The following DHX30 variants were observed in gnomAD, a reference collection of about 807,000 sequenced individuals.
DHX30 encodes the protein ATP-dependent RNA helicase DHX30.
Under a neutral mutation model 116.9 loss-of-function variants are expected in DHX30, and 4 were observed. The ratio of observed to expected loss-of-function variants is 0.03; its 90% CI spans 0.02 to 0.08. DHX30 has a LOEUF of 0.08. Ranked by LOEUF, DHX30 falls within the 10% of genes least tolerant of loss-of-function variation. The probability of loss-of-function intolerance (pLI) is 1.00; values close to 1 mark genes in which losing one functional copy is unlikely to be tolerated. For missense variants in DHX30, 871 were observed against 1,595.1 expected (o/e 0.55, Z 7.73); for synonymous variants, 697 against 651.7 (o/e 1.07, Z -1.06).
At position 47,848,680 on chromosome 3, in the gene DHX30, T is replaced by C; in HGVS notation, c.2632T>C (p.Ser878Pro). Residue 878 changes from serine to proline, a missense_variant, in exon 17 of 22, where the codon TCC becomes CCC. Transcript: ENST00000445061. This position sits in a 1 kb window ranked among gnomAD's most constrained non-coding sequence, Gnocchi z 9.4. ...TTLGQRLAHI[S>P]TDPRLAKAIV... ...CCTGGGGCAGCGCCTGGCTCACATC[T>C]CCACCGACCCCCGGTTGGCCAAGGC... The C allele has an allele frequency of 6.2e-7, 1 of 1,614,102 alleles. No homozygotes were observed. Among genetic ancestry groups the C allele is most frequent in the Non-Finnish European group, 8.5e-7 (1 of 1,180,006 alleles).
chr3:47,826,977 T>C (rs1440229358), intron 4 of DHX30, among the ~76,000 whole-genome samples: 1 of 152,122 alleles, frequency 6.6e-6, no homozygotes, highest in Non-Finnish European at 1.5e-5. Flanking sequence ...GTTTTTGTAT[T>C]TTTTGCTTGC....
Position 47,850,067 on chromosome 3 carries a change from C to G in DHX30, c.3532C>G (p.Leu1178Val). 1 of 1,597,796 alleles carries G rather than the reference C, an allele frequency of 6.3e-7. No homozygotes were observed. The highest frequency in any genetic ancestry group is 1.1e-5 in the South Asian group (1 of 89,266). The change falls in exon 22 of 22, where the codon CTG (leucine) becomes GTG (valine). Residue 1178 changes from leucine (L) to valine (V), a missense_variant. Around this residue, in one of 13 missense-constraint regions of DHX30, gnomAD observed 52 missense variants for 50.1 expected, o/e 1.04. Transcript: ENST00000445061. ...GCAGCTGCTTGCGCTACTGGCAGAG[C>G]TGCTGCGAGGACCCTGTGGCAGCTT... ...HGQLLALLAE[L>V]LRGPCGSFDV...
In DHX30 at chr3:47,848,390, C is replaced by G; in HGVS notation, c.2493+4C>G. 1 of 1,613,966 alleles carries G rather than the reference C, an allele frequency of 6.2e-7. No individual in the cohort carries two copies. Among genetic ancestry groups the G allele is most frequent in the Non-Finnish European group, 8.5e-7 (1 of 1,179,994 alleles). On this transcript the variant is annotated splice_donor_region_variant and intron_variant, in intron 15 of 21. Transcript: ENST00000445061. This position sits in a 1 kb window ranked among gnomAD's most constrained non-coding sequence, Gnocchi z 9.4. ...AATCCACATGCCTGAGAAGACGGTGCGGCGGGGCGGGGCAGGGGCTGGCCT... is the reference window on the plus strand; with the variant it reads ...AATCCACATGCCTGAGAAGACGGTGGGGCGGGGCGGGGCAGGGGCTGGCCT...
At chr3:47,844,837 C>G (rs2037529293) in intron 9 of DHX30, among the ~76,000 whole-genome samples, 2 of 152,130 alleles carry the variant, frequency 1.3e-5, no homozygotes, top group South Asian at 4.1e-4. Context: ...CTTGTTTGAT[C>G]AAGTTGCATT....
At chr3:47,811,353 G>A (rs1222261396) in intron 3 of DHX30, among the ~76,000 whole-genome samples, 2 of 151,868 alleles carry the variant, frequency 1.3e-5, no homozygotes, top group African/African-American at 2.4e-5. Context: ...AATCTTCCTC[G>A]GTACCATACC....
chr3:47,808,277 C>T (rs1380805026), intron 2 of DHX30, among the ~76,000 whole-genome samples: 4 of 151,376 alleles, frequency 2.6e-5, no homozygotes, highest in Non-Finnish European at 4.4e-5. Flanking sequence ...AGTGCAGTGG[C>T]GTGATCACAG....
intron 3 of DHX30, among the ~76,000 whole-genome samples, chr3:47,812,788 C>T (rs556965381): frequency 4.0e-5 from 6 of 150,822 alleles, no homozygotes; most frequent in South Asian, 2.1e-4. Flanking sequence ...CTCAGCCTCC[C>T]GAGTAGCTGG....
At position 47,841,086 on chromosome 3, in the gene DHX30, CGAG is replaced by C. The variant is rs756108857; in HGVS notation, c.582_584del (p.Glu196del). ...CTTTAGGCCGGGAAGAAGAGGAGGA[CGAG>C]GAGGAAGAGCTAGAAGAAGGGACCA... On this transcript the variant is annotated inframe_deletion, in exon 7 of 22. Coordinates refer to ENST00000445061, the MANE Select transcript of DHX30 (RefSeq NM_138615.3). 8 of 1,613,942 alleles carry C rather than the reference CGAG, an allele frequency of 5.0e-6. No homozygotes were observed. The Admixed American group carries it at 1.3e-4, about 27-fold the overall frequency.
intron 3 of DHX30, among the ~76,000 whole-genome samples, chr3:47,817,534 C>T (rs1411176790): frequency 6.6e-6 from 1 of 152,156 alleles, no homozygotes; most frequent in Non-Finnish European, 1.5e-5. Context: ...CCCACATAGT[C>T]CAGTCGTCCC....
rs2037593934 is a variant in DHX30 at position 47,846,112 on chromosome 3, G to C, written c.1093-53G>C. ...CGAATCCTGCAGAGTGGCTGGTTGT[G>C]TGTGAATGAGGAATTTCTTTTTCAT... On this transcript the variant is annotated intron_variant, in intron 10 of 21. Transcript: ENST00000445061. The C allele has an allele frequency of 2.6e-6, 4 of 1,562,108 alleles. No homozygotes were observed. In the Admixed American group the frequency reaches 6.9e-5, roughly 27 times the overall value.
intron 6 of DHX30, among the ~76,000 whole-genome samples, chr3:47,837,543 A>T (rs2037177338): frequency 6.6e-6 from 1 of 152,156 alleles, no homozygotes; most frequent in Non-Finnish European, 1.5e-5. Flanking sequence ...CGGGTGGATC[A>T]CAAGGTCAGG....
chr3:47,807,281 C>T (rs2035572483), intron 2 of DHX30, among the ~76,000 whole-genome samples: 1 of 152,134 alleles, frequency 6.6e-6, no homozygotes, highest in Non-Finnish European at 1.5e-5. Flanking sequence ...TGTTCTAGAG[C>T]TCTGTAAATT....
chr3:47,811,937 G>A lies in DHX30; in HGVS notation c.28+1226G>A, dbSNP rs770059193. ...AAATTATCCAGGCGTGGCAGTCTGC[G>A]CCTATAGTCCCAGCTACTTGGGAGG... On this transcript the variant is annotated intron_variant, in intron 3 of 21. Coordinates refer to ENST00000445061, the MANE Select transcript of DHX30 (RefSeq NM_138615.3). Among the ~76,000 whole-genome samples the A allele has an allele frequency of 4.6e-5, 7 of 151,974 alleles. No homozygotes were observed. The East Asian group carries it at 5.8e-4, about 13-fold the overall frequency.
rs758175965 is a variant in DHX30, at chr3:47,847,293, C to G, written c.1950C>G (p.Leu650=). ...CCCAGTCTGAGGATGAATGCGCACTCGATTTGGACCTTGTGACTGATCTGG... is the reference window on the plus strand; with the variant it reads ...CCCAGTCTGAGGATGAATGCGCACTGGATTTGGACCTTGTGACTGATCTGG... ...RHHESEDECA[L]DLDLVTDLVL... The change falls in exon 12 of 22, where the codon CTC becomes CTG. Residue 650 remains leucine (L), a synonymous_variant. Transcript: ENST00000445061. This position sits in a 1 kb window ranked among gnomAD's most constrained non-coding sequence, Gnocchi z 5.5. The G allele has an allele frequency of 2.5e-6, 4 of 1,614,250 alleles. No individual in the cohort carries two copies. Among genetic ancestry groups the G allele is most frequent in the East Asian group, 4.5e-5 (2 of 44,888 alleles).
chr3:47,829,312 A>ATTTT (rs1351089403), intron 6 of DHX30, among the ~76,000 whole-genome samples, 178 bp downstream of exon 6: 14 of 27,960 alleles, frequency 5.0e-4, no homozygotes, highest in Admixed American at 1.3e-3. Flanking sequence ...ATATATATAT[A>ATTTT]TATTTTTTTT....
In DHX30 at chr3:47,847,550, C is replaced by T. The variant is rs369697047; in HGVS notation, c.2110+14C>T. On this transcript the variant is annotated intron_variant, in intron 13 of 21. Coordinates refer to ENST00000445061, the MANE Select transcript of DHX30 (RefSeq NM_138615.3). The surrounding 1 kb of genome is among the most constrained non-coding windows in gnomAD (Gnocchi z 5.5). ...TCATCCTGCCAGGTGAGAGCCCCGGCGGAGGGACCAGGGACCTTTGGAAAC... is the reference window on the plus strand; with the variant it reads ...TCATCCTGCCAGGTGAGAGCCCCGGTGGAGGGACCAGGGACCTTTGGAAAC... The T allele has an allele frequency of 2.8e-5, 44 of 1,582,036 alleles. No homozygotes were observed. The highest frequency in any genetic ancestry group is 1.7e-4 in the Middle Eastern group (1 of 5,932).
chr3:47,809,883 G>A (rs1374582209), intron 2 of DHX30, among the ~76,000 whole-genome samples: 3 of 152,068 alleles, frequency 2.0e-5, no homozygotes, highest in South Asian at 2.1e-4. Flanking sequence ...AAGGAGTACT[G>A]GATTATAAAA....
intron 3 of DHX30, among the ~76,000 whole-genome samples, chr3:47,811,329 T>C (rs188051716): frequency 6.6e-6 from 1 of 152,164 alleles, no homozygotes; most frequent in African/African-American, 2.4e-5. Flanking sequence ...GTTGACCAAA[T>C]GCAATCTTTC....
intron 6 of DHX30, among the ~76,000 whole-genome samples, chr3:47,834,017 C>T (rs2036991182): frequency 6.6e-6 from 1 of 152,130 alleles, no homozygotes; most frequent in Non-Finnish European, 1.5e-5. Flanking sequence ...TTTCTCTTTT[C>T]TTCCTGCCCC....
Sources: gnomAD v4.1 joint callset for allele counts (sites outside exome capture counted in the v4.1 genomes callset) on GRCh38, gnomAD v4.1.1 for gene constraint, gnomAD v4.1.1 regional missense constraint, Gnocchi (gnomAD v3.1) non-coding constraint, MANE v1.5 for transcripts, NCBI Gene and HGNC (gene_info 2026-07-23, HGNC 2026-07-21) for gene names.